The following ATP10B variants were observed in gnomAD, a reference collection of about 807,000 sequenced individuals.
ATP10B encodes ATPase phospholipid transporting 10B (putative).
In ATP10B, 122 loss-of-function variants were observed where a neutral mutation model predicts 141.2. The observed-to-expected ratio is 0.86, with a 90% CI of 0.75 to 1.00. The LOEUF is 1.00. ATP10B is among the 50% of genes least tolerant of loss of function. The pLI is 0.00. For synonymous variants in ATP10B, 685 were observed against 692.0 expected (o/e 0.99, Z 0.16); for missense variants, 1,876 against 1,825.3 (o/e 1.03, Z -0.51).
chr5:160,733,628 T>C (rs1201741683), intron 2 of ATP10B, among the ~76,000 whole-genome samples: 2 of 151,876 alleles, frequency 1.3e-5, no homozygotes, highest in East Asian at 1.9e-4. Flanking sequence ...ATATTACACA[T>C]ATATGTAACA....
rs749603444 is a variant in ATP10B, at chr5:160,644,192, G to A, written c.814C>T (p.Arg272Ter). 1.1e-5 allele frequency: 17 copies of A among 1,613,744 alleles called. No homozygotes were observed. Among genetic ancestry groups the A allele is most frequent in the African/African-American group, 2.7e-5 (2 of 74,854 alleles). Residue 272 changes from arginine (R) to a stop codon, truncating the protein, a stop_gained, in exon 9 of 26, where the codon CGA becomes TGA. Coordinates refer to ENST00000327245, the MANE Select transcript of ATP10B (RefSeq NM_025153.3). LOFTEE classifies it high-confidence loss of function. ...TCGGTGTTTCTGATGGTGCAGCCTCGAAGCAGAAGACTCTCACAGCCAAAG... is the reference window on the plus strand; with the variant it reads ...TCGGTGTTTCTGATGGTGCAGCCTCAAAGCAGAAGACTCTCACAGCCAAAG... ...TGFGCESLLL[R>*]GCTIRNTEMA...
At chr5:160,917,272 T>TTTC in the ATP10B span, among the ~76,000 whole-genome samples, 6 of 137,398 alleles carry the variant, frequency 4.4e-5, no homozygotes, top group Non-Finnish European at 9.6e-5. Flanking sequence ...GGTACTTCTT[T>TTTC]TTTTTTTTTT....
At chr5:160,768,701 T>C (rs926300941) in intron 2 of ATP10B, among the ~76,000 whole-genome samples, 3 of 152,102 alleles carry the variant, frequency 2.0e-5, no homozygotes, top group Non-Finnish European at 4.4e-5. Context: ...CCAGAGAATA[T>C]ATTGATAGGT....
chr5:160,671,414 T>C (rs532640543), intron 6 of ATP10B, among the ~76,000 whole-genome samples: 11 of 152,136 alleles, frequency 7.2e-5, no homozygotes, highest in African/African-American at 2.6e-4. Context: ...GGAACTGGGA[T>C]ATGGGAAAGA....
chr5:160,734,597 A>G (rs1342851190), intron 2 of ATP10B, among the ~76,000 whole-genome samples: 1 of 152,050 alleles, frequency 6.6e-6, no homozygotes, highest in Admixed American at 6.5e-5. Context: ...TGAAAAGTGT[A>G]GCTTAAAAAG....
At chr5:160,873,476 G>T in the ATP10B span, among the ~76,000 whole-genome samples, 1 of 152,240 alleles carries the variant, frequency 6.6e-6, no homozygotes, top group African/African-American at 2.4e-5. Context: ...TGACATGATT[G>T]TCTCTGTAGA....
chr5:160,593,513 C>A (rs1561635323), intron 22 of ATP10B, among the ~76,000 whole-genome samples: 1 of 152,226 alleles, frequency 6.6e-6, no homozygotes, highest in Non-Finnish European at 1.5e-5. Flanking sequence ...CAGAGCGCCT[C>A]TCCTCCTCCA....
intron 3 of ATP10B, among the ~76,000 whole-genome samples, chr5:160,701,161 C>G (rs1764647342): frequency 6.6e-6 from 1 of 152,162 alleles, no homozygotes; most frequent in Non-Finnish European, 1.5e-5. Flanking sequence ...ATCAGAAATA[C>G]TTCGCCAAAC....
the ATP10B span, among the ~76,000 whole-genome samples, chr5:160,894,819 C>T: frequency 6.6e-6 from 1 of 152,156 alleles, no homozygotes; most frequent in Non-Finnish European, 1.5e-5. Context: ...GCCAGGTTAC[C>T]CACAAAGGGA....
chr5:160,652,619 T>C (rs1323775925), intron 7 of ATP10B, among the ~76,000 whole-genome samples: 1 of 139,938 alleles, frequency 7.1e-6, no homozygotes, highest in African/African-American at 2.7e-5. Context: ...CCACCAGACC[T>C]GACGAATTTT....
chr5:160,900,800 T>TTCGC, the ATP10B span, among the ~76,000 whole-genome samples: 10 of 151,146 alleles, frequency 6.6e-5, no homozygotes, highest in Non-Finnish European at 1.2e-4. Context: ...ACATTTTTTT[T>TTCGC]TTATTTGTGG....
intron 2 of ATP10B, among the ~76,000 whole-genome samples, chr5:160,766,824 AT>A (rs532972738): frequency 4.1e-4 from 62 of 152,316 alleles, no homozygotes; most frequent in African/African-American, 7.9e-4. Context: ...TAGAAAAAAA[AT>A]ATTACGTTTT....
the ATP10B span, among the ~76,000 whole-genome samples, chr5:160,918,919 G>T: frequency 6.6e-6 from 1 of 152,146 alleles, no homozygotes; most frequent in East Asian, 1.9e-4. Flanking sequence ...GTGTTACTAT[G>T]AGGGACAGTA....
chr5:160,760,856 C>T (rs68036348), intron 2 of ATP10B, among the ~76,000 whole-genome samples: 47,870 of 151,918 alleles, frequency 0.32, 7,889 homozygotes, highest in Non-Finnish European at 0.36. Flanking sequence ...CCACAGTGGC[C>T]GCAGTAGGCC....
chr5:160,856,429 GAC>G (rs904387984), upstream of ATP10B, among the ~76,000 whole-genome samples: 9 of 151,736 alleles, frequency 5.9e-5, no homozygotes, highest in Non-Finnish European at 1.2e-4. Flanking sequence ...TTTCTACAAA[GAC>G]AATCATGTCA....
chr5:160,856,004 G>A (rs1008535540), upstream of ATP10B, among the ~76,000 whole-genome samples: 2 of 151,654 alleles, frequency 1.3e-5, no homozygotes, highest in Non-Finnish European at 2.9e-5. Context: ...TTAAAATCAG[G>A]TAGATAGATT....
chr5:160,792,534 C>T (rs991800581), intron 1 of ATP10B, among the ~76,000 whole-genome samples: 1 of 151,928 alleles, frequency 6.6e-6, no homozygotes, highest in Non-Finnish European at 1.5e-5. Context: ...ATTCTGCTTG[C>T]CAGGACTCTT....
chr5:160,913,800 T>A, the ATP10B span, among the ~76,000 whole-genome samples: 1 of 152,212 alleles, frequency 6.6e-6, no homozygotes, highest in African/African-American at 2.4e-5. Context: ...GGGTGTAATG[T>A]AAATGGAATT....
intron 1 of ATP10B, among the ~76,000 whole-genome samples, chr5:160,827,692 G>A (rs113275502): frequency 0.019 from 2,830 of 152,250 alleles, 89 homozygotes; most frequent in African/African-American, 0.064. Flanking sequence ...TTTCTTCTAG[G>A]ATTTTAATAG....
Sources: allele counts gnomAD v4.1 joint callset (sites outside exome capture counted in the v4.1 genomes callset), GRCh38; gene constraint gnomAD v4.1.1; transcripts MANE v1.5; gene names NCBI Gene and HGNC (gene_info 2026-07-23, HGNC 2026-07-21).